P4HA1: variants seen among roughly 807,000 people sequenced by gnomAD.
P4HA1 encodes the protein prolyl 4-hydroxylase subunit alpha-1.
P4HA1 carries 24 observed loss-of-function variants against 72.8 expected under a neutral mutation model. The ratio of observed to expected loss-of-function variants is 0.33; its 90% CI spans 0.24 to 0.46. The LOEUF (loss-of-function observed/expected upper bound fraction) is 0.46. P4HA1 is among the 20% of genes least tolerant of loss of function. P4HA1 has a pLI of 1.00. For missense variants in P4HA1, 446 were observed against 640.6 expected (o/e 0.70, Z 3.28); for synonymous variants, 201 against 218.8 (o/e 0.92, Z 0.72).
chr10:73,054,388 G>A (rs1841088293), intron 5 of P4HA1, among the ~76,000 whole-genome samples: 1 of 152,166 alleles, frequency 6.6e-6, no homozygotes, highest in Non-Finnish European at 1.5e-5. Flanking sequence ...ACAGAGTAGA[G>A]CAACCATCAC....
chr10:73,031,948 A>G (rs1266683963), intron 9 of P4HA1, among the ~76,000 whole-genome samples: 1 of 152,180 alleles, frequency 6.6e-6, no homozygotes, highest in Non-Finnish European at 1.5e-5. Context: ...CTAAACGCCT[A>G]AACTCAACTG....
chr10:73,070,745 T>C (rs998916902), intron 4 of P4HA1, among the ~76,000 whole-genome samples: 1 of 152,156 alleles, frequency 6.6e-6, no homozygotes, highest in African/African-American at 2.4e-5. Flanking sequence ...ACAAACAAAA[T>C]TCTAAGAAAA....
rs1330460920 is a variant in P4HA1, at chr10:73,041,547, C to CAA, written c.1148+3433_1148+3434insTT. Among the ~76,000 whole-genome samples, 11 of 146,690 alleles carry CAA rather than the reference C, an allele frequency of 7.5e-5. 1 individual carries two copies. The highest frequency in any genetic ancestry group is 2.6e-4 in the African/African-American group (10 of 39,046). ...GACAGAGCAAGACTCCATCCCCCCCCCAAAAAAAAAAAAAAAGAATTCTCT... is the reference window on the plus strand; with the variant it reads ...GACAGAGCAAGACTCCATCCCCCCCCAACAAAAAAAAAAAAAAAGAATTCTCT... On this transcript the variant is annotated intron_variant, in intron 9 of 14. Transcript: ENST00000394890.
intron 10 of P4HA1, among the ~76,000 whole-genome samples, chr10:73,017,758 T>C (rs1840043560): frequency 6.6e-6 from 1 of 152,002 alleles, no homozygotes; most frequent in Admixed American, 6.6e-5. Context: ...TTAAGAAAAA[T>C]ATTTGGTCTG....
At position 73,008,254 on chromosome 10, in the gene P4HA1, G is replaced by C; in HGVS notation, c.1573C>G (p.Arg525Gly). The change falls in exon 15 of 15, where the codon CGA (arginine) becomes GGA (glycine). Residue 525 changes from arginine to glycine, a missense_variant. Arg to Gly is a moderately radical substitution (Grantham distance 125). Transcript: ENST00000394890. ...AATTCTGACAACGTACAAGGTCTTCGAAATTCTTGTCCACGTTCATGGAGC... is the reference window on the plus strand; with the variant it reads ...AATTCTGACAACGTACAAGGTCTTCCAAATTCTTGTCCACGTTCATGGAGC... ...KWLHERGQEF[R>G]RPCTLSELE is the part of the protein sequence containing the mutation. 1 of 1,608,826 alleles carries C rather than the reference G, an allele frequency of 6.2e-7. No individual in the cohort carries two copies. The highest frequency in any genetic ancestry group is 1.1e-5 in the South Asian group (1 of 90,858).
intron 1 of P4HA1, among the ~76,000 whole-genome samples, chr10:73,080,869 A>T (rs939193543): frequency 6.6e-6 from 1 of 152,202 alleles, no homozygotes; most frequent in Non-Finnish European, 1.5e-5. Flanking sequence ...TGGAGGTTGC[A>T]GTGAGCTGAG....
chr10:73,049,108 C>T (rs551098544), intron 7 of P4HA1, among the ~76,000 whole-genome samples: 15 of 146,230 alleles, frequency 1.0e-4, no homozygotes, highest in African/African-American at 4.0e-4. Context: ...CAGAGCGAGA[C>T]TCCGTCTCAG....
In P4HA1 at chr10:73,093,873, A is replaced by T. The variant is rs10823980; in HGVS notation, c.-33+2893T>A. Among the ~76,000 whole-genome samples, 59 of 29,218 alleles carry T rather than the reference A, an allele frequency of 2.0e-3. 1 individual carries two copies. The highest frequency in any genetic ancestry group is 3.1e-3 in the Non-Finnish European group (39 of 12,530). The allele number at this position is 29,218 out of a possible 152,430, so 19.2% of individuals were successfully genotyped here. ...AAAAAAAAAAAAAAAAAAAAAAAAA[A>T]ATATATATATATATATATATATATA... is the stretch of plus-strand genomic sequence containing the variant. On this transcript the variant is annotated intron_variant, in intron 1 of 14. Coordinates refer to ENST00000394890, the MANE Select transcript of P4HA1 (RefSeq NM_001017962.3).
At chr10:73,013,104 CTTT>C (rs921080867) in intron 12 of P4HA1, among the ~76,000 whole-genome samples, 1 of 152,096 alleles carries the variant, frequency 6.6e-6, no homozygotes, top group Admixed American at 6.6e-5. Flanking sequence ...CCTAAAATAT[CTTT>C]TTTAAGTTAA....
chr10:73,026,022 C>T (rs1214276975), intron 10 of P4HA1, among the ~76,000 whole-genome samples: 4 of 152,154 alleles, frequency 2.6e-5, no homozygotes, highest in Non-Finnish European at 4.4e-5. Context: ...TGAAAATGGC[C>T]ATACTGCCCA....
At chr10:73,030,014 TAGTA>T (rs1840398187) in intron 10 of P4HA1, among the ~76,000 whole-genome samples, 2 of 152,188 alleles carry the variant, frequency 1.3e-5, no homozygotes, top group Admixed American at 6.5e-5. Flanking sequence ...ACAGTGTACT[TAGTA>T]AGTATTAGTG....
At chr10:73,076,474 CTG>C (rs766121495) in intron 1 of P4HA1, among the ~76,000 whole-genome samples, 18 of 151,674 alleles carry the variant, frequency 1.2e-4, no homozygotes, top group Non-Finnish European at 2.6e-4. Context: ...CTCTTATCAA[CTG>C]TGTTCTATGT....
chr10:73,044,336 C>T (rs987203299), intron 9 of P4HA1, among the ~76,000 whole-genome samples: 2 of 152,110 alleles, frequency 1.3e-5, no homozygotes, highest in African/African-American at 4.8e-5. Context: ...AAACCTCTCA[C>T]TGAGATAAAA....
chr10:73,046,792 C>G, intron 8 of P4HA1, 133 bp downstream of exon 8: 1 of 665,924 alleles, frequency 1.5e-6, no homozygotes, highest in Admixed American at 2.8e-5. Flanking sequence ...ATTAGTAACT[C>G]CATTATGCTG....
intron 9 of P4HA1, among the ~76,000 whole-genome samples, chr10:73,041,319 C>G (rs906249423): frequency 6.6e-6 from 1 of 151,892 alleles, no homozygotes; most frequent in Non-Finnish European, 1.5e-5. Flanking sequence ...CCGAGGCAGG[C>G]GGGTCACGAG....
intron 1 of P4HA1, among the ~76,000 whole-genome samples, chr10:73,091,909 C>T (rs187009081): frequency 5.9e-5 from 9 of 152,300 alleles, no homozygotes; most frequent in African/African-American, 1.9e-4. Context: ...GAGTAGAATA[C>T]TCAAAAGCTG....
chr10:73,093,853 A>T (rs1442803377), intron 1 of P4HA1, among the ~76,000 whole-genome samples: 10 of 56,098 alleles, frequency 1.8e-4, no homozygotes, highest in African/African-American at 8.3e-4. Flanking sequence ...AAAAAAAAAA[A>T]AAAAAAAAAA....
chr10:73,016,442 C>T (rs756065717), intron 11 of P4HA1, among the ~76,000 whole-genome samples: 2 of 152,172 alleles, frequency 1.3e-5, no homozygotes, highest in Non-Finnish European at 2.9e-5. Flanking sequence ...TGAAGTCTGC[C>T]TTACCATCTT....
At chr10:73,025,205 G>A (rs112630967) in intron 10 of P4HA1, among the ~76,000 whole-genome samples, 3 of 152,140 alleles carry the variant, frequency 2.0e-5, no homozygotes, top group South Asian at 2.1e-4. Context: ...GGCCAATATC[G>A]CTGATGAACA....
Sources: gnomAD v4.1 joint callset for allele counts (sites outside exome capture counted in the v4.1 genomes callset) on GRCh38, gnomAD v4.1.1 for gene constraint, MANE v1.5 for transcripts, NCBI Gene and HGNC (gene_info 2026-07-23, HGNC 2026-07-21) for gene names.